Variants in COL19A1 observed in about 807,000 individuals in gnomAD.
COL19A1 encodes the protein collagen alpha-1(XIX) chain.
A neutral mutation model predicts 190.2 loss-of-function variants in COL19A1; 159 were observed. That is an observed-to-expected ratio of 0.84 (90% CI 0.73 to 0.95). COL19A1 has a LOEUF of 0.95. Among genes scored for constraint, COL19A1 ranks in the 40% least tolerant of loss-of-function variants. The pLI is 0.00. For missense variants in COL19A1, 1,418 were observed against 1,431.9 expected (o/e 0.99, Z 0.16); for synonymous variants, 509 against 458.9 (o/e 1.11, Z -1.39).
chr6:70,151,416 G>A lies in COL19A1; in HGVS notation c.2057G>A (p.Gly686Glu). The change falls in exon 31 of 51, where the codon GGA (glycine) becomes GAA (glutamate). Residue 686 changes from glycine (G) to glutamate (E), a missense_variant. Physicochemically the swap from Gly to Glu is moderately conservative, Grantham distance 98. Transcript: ENST00000620364. ...PGDPIALPLL[G>E]DIGALLKNFC... is the part of the protein sequence containing the mutation. ...CCACAGATTGCACTTCCTCTCTTGG[G>A]AGACATCGGTGCTTTGCTCAAGGTA... 1 of 1,612,740 alleles carries A rather than the reference G, an allele frequency of 6.2e-7. No homozygotes were observed.
intron 15 of COL19A1, among the ~76,000 whole-genome samples, chr6:70,070,080 AT>A (rs1189124564): frequency 6.6e-5 from 10 of 152,266 alleles, no homozygotes; most frequent in African/African-American, 2.4e-4. Context: ...GTACAAATGT[AT>A]TTGAACCCTA....
intron 25 of COL19A1, among the ~76,000 whole-genome samples, chr6:70,146,427 A>G (rs1786649641): frequency 6.6e-6 from 1 of 152,056 alleles, no homozygotes; most frequent in Non-Finnish European, 1.5e-5. Flanking sequence ...AATAATAATA[A>G]TATTTCTCAA....
intron 12 of COL19A1, among the ~76,000 whole-genome samples, chr6:70,030,019 A>G (rs1400543957): frequency 6.6e-6 from 1 of 152,196 alleles, no homozygotes; most frequent in Admixed American, 6.5e-5. Context: ...TTATACATAA[A>G]AGGCCATTCG....
rs757454698 is a variant in COL19A1 at position 69,936,836 on chromosome 6, C to T, written c.799C>T (p.His267Tyr). Residue 267 changes from histidine to tyrosine, a missense_variant, in exon 8 of 51, where the codon CAT becomes TAT. His to Tyr is a moderately conservative substitution (Grantham distance 83). Transcript: ENST00000620364. ...GNIASSWVTAHASKMSSYLPA... is the reference protein window; with the variant it reads ...GNIASSWVTAYASKMSSYLPA... ...TATTGCATCATCATGGGTAACTGCT[C>T]ATGCCAGTAAAATGTCTTCATATCT... The T allele has an allele frequency of 5.6e-6, 9 of 1,613,178 alleles. No homozygotes were observed. The Admixed American group carries it at 1.3e-4, about 24-fold the overall frequency.
At chr6:69,968,960 A>G (rs1775269387) in intron 11 of COL19A1, among the ~76,000 whole-genome samples, 1 of 152,154 alleles carries the variant, frequency 6.6e-6, no homozygotes, top group Non-Finnish European at 1.5e-5. Flanking sequence ...AAATAAATGG[A>G]TTCACATATT....
chr6:70,082,042 T>C (rs1782288581), intron 15 of COL19A1, among the ~76,000 whole-genome samples: 1 of 152,220 alleles, frequency 6.6e-6, no homozygotes, highest in South Asian at 2.1e-4. Flanking sequence ...CTTGATATTC[T>C]ACATCAGTGA....
chr6:70,180,263 T>A, intron 42 of COL19A1, 49 bp from the exon 43 acceptor site: 1 of 1,607,254 alleles, frequency 6.2e-7, no homozygotes, highest in Non-Finnish European at 8.5e-7. Context: ...GCATATGGTG[T>A]CGTTCAGCAA....
At chr6:70,030,727 T>G (rs974728557) in intron 12 of COL19A1, among the ~76,000 whole-genome samples, 1 of 152,204 alleles carries the variant, frequency 6.6e-6, no homozygotes, top group Non-Finnish European at 1.5e-5. Flanking sequence ...GCTCAGTGAA[T>G]GGGATAACTT....
rs35211332 is a variant in COL19A1 at position 69,888,777 on chromosome 6, C to CAA, written c.91+9136_91+9137dup. Among the ~76,000 whole-genome samples the CAA allele has an allele frequency of 4.3e-4, 54 of 126,214 alleles. No individual in the cohort carries two copies. The East Asian group carries it at 0.012, about 28-fold the overall frequency. 82.8% of individuals were successfully genotyped at this position (126,214 alleles called of 152,430 possible). ...TGGTCGACAGAGTGAGACTCTAGCT[C>CAA]AAAAAAAAAAAAAAAAAAGCAGTGT... is the stretch of plus-strand genomic sequence containing the variant. On this transcript the variant is annotated intron_variant, in intron 2 of 50. Coordinates refer to ENST00000620364, the MANE Select transcript of COL19A1 (RefSeq NM_001858.6).
chr6:69,870,739 G>A (rs1767775058), intron 1 of COL19A1, among the ~76,000 whole-genome samples: 1 of 152,066 alleles, frequency 6.6e-6, no homozygotes, highest in Non-Finnish European at 1.5e-5. Context: ...GAAGTAGGGA[G>A]GTGGAAATAA....
intron 44 of COL19A1, 93 bp from the exon 45 acceptor site, chr6:70,184,610 T>C: frequency 3.1e-6 from 3 of 965,574 alleles, no homozygotes; most frequent in Non-Finnish European, 4.7e-6. Context: ...AGTAGAAATA[T>C]GATTAAGGAA....
intron 14 of COL19A1, among the ~76,000 whole-genome samples, chr6:70,058,866 A>AT (rs2150139543): frequency 6.6e-6 from 1 of 152,150 alleles, no homozygotes; most frequent in African/African-American, 2.4e-5. Context: ...AGTGGACTAT[A>AT]TATTATATTT....
At chr6:70,047,717 A>G (rs1423007276) in intron 14 of COL19A1, among the ~76,000 whole-genome samples, 2 of 152,140 alleles carry the variant, frequency 1.3e-5, no homozygotes, top group Non-Finnish European at 2.9e-5. Flanking sequence ...ATTACATACT[A>G]TTGCCAGATT....
rs1768258141 is a variant in COL19A1 at position 70,212,391 on chromosome 6, G to C, written c.*5117G>C. Among the ~76,000 whole-genome samples, 1 of 152,176 alleles carries C rather than the reference G, an allele frequency of 6.6e-6. No individual in the cohort carries two copies. Among genetic ancestry groups the C allele is most frequent in the Admixed American group, 6.5e-5 (1 of 15,270 alleles). On this transcript the variant is annotated 3_prime_UTR_variant, in exon 51 of 51. Transcript: ENST00000620364. ...CATGGGCATAATGCTTTGAGGCCTTGATTCCTACATGTTCATTATGCATAA... is the reference window on the plus strand; with the variant it reads ...CATGGGCATAATGCTTTGAGGCCTTCATTCCTACATGTTCATTATGCATAA...
chr6:69,876,571 A>G (rs1013196639), intron 1 of COL19A1, among the ~76,000 whole-genome samples: 2 of 152,210 alleles, frequency 1.3e-5, no homozygotes, highest in Non-Finnish European at 2.9e-5. Context: ...TATTCCTAGT[A>G]TTATTTCCAA....
intron 1 of COL19A1, 126 bp from the exon 2 acceptor site, chr6:69,879,410 T>C: frequency 3.3e-6 from 2 of 610,184 alleles, no homozygotes. Context: ...TATATAATCA[T>C]ATTTCCTGTT....
chr6:70,046,782 G>A lies in COL19A1; in HGVS notation c.1170+10843G>A, dbSNP rs74888434. Among the ~76,000 whole-genome samples the A allele has an allele frequency of 9.9e-3, 1,509 of 152,076 alleles. 13 individuals are homozygous for A. Among genetic ancestry groups the A allele is most frequent in the African/African-American group, 0.033 (1,362 of 41,498 alleles). On this transcript the variant is annotated intron_variant, in intron 14 of 50. Coordinates refer to ENST00000620364, the MANE Select transcript of COL19A1 (RefSeq NM_001858.6). ...TTAAACTCATAGATGGTAAAATTTA[G>A]CATTCTAATCATAAAAATGTGAAAT...
At chr6:70,112,971 CAGATGTGAAAAA>C (rs1374943687) in intron 16 of COL19A1, among the ~76,000 whole-genome samples, 1 of 152,212 alleles carries the variant, frequency 6.6e-6, no homozygotes, top group Non-Finnish European at 1.5e-5. Flanking sequence ...TCCAAAGTGG[CAGATGTGAAAAA>C]TTCTCATTCA....
At chr6:70,202,237 G>C (rs1412524061) in intron 49 of COL19A1, among the ~76,000 whole-genome samples, 2 of 146,142 alleles carry the variant, frequency 1.4e-5, no homozygotes, top group African/African-American at 5.0e-5. Flanking sequence ...GAAATTTCTA[G>C]ATGAGACATT....
Sources: gnomAD v4.1 joint callset for allele counts (sites outside exome capture counted in the v4.1 genomes callset) on GRCh38, gnomAD v4.1.1 for gene constraint, MANE v1.5 for transcripts, NCBI Gene and HGNC (gene_info 2026-07-23, HGNC 2026-07-21) for gene names.